PKIB: variants seen among roughly 807,000 people sequenced by gnomAD.
PKIB encodes PKI-beta.
PKIB carries 2 observed loss-of-function variants against 4.5 expected under a neutral mutation model. The observed-to-expected ratio is 0.44, with a 90% CI of 0.18 to 1.39. The LOEUF (loss-of-function observed/expected upper bound fraction) is 1.39. Among genes scored for constraint, PKIB ranks in the 40% most tolerant of loss-of-function variants. The probability of loss-of-function intolerance (pLI) is 0.27; values close to 1 mark genes in which losing one functional copy is unlikely to be tolerated. For missense variants in PKIB, 94 were observed against 92.6 expected (o/e 1.02, Z -0.06); for synonymous variants, 38 against 36.0 (o/e 1.06, Z -0.20).
intron 3 of PKIB, among the ~76,000 whole-genome samples, chr6:122,689,690 G>A (rs1778244162): frequency 6.6e-6 from 1 of 152,142 alleles, no homozygotes; most frequent in Admixed American, 6.5e-5. Flanking sequence ...CTATTCTTGA[G>A]AATGTGCAGT....
At chr6:122,593,882 C>T (rs745630374) in intron 3 of PKIB, among the ~76,000 whole-genome samples, 80 of 152,278 alleles carry the variant, frequency 5.3e-4, no homozygotes, top group Non-Finnish European at 7.3e-4. Context: ...ATGTTAGTCT[C>T]TTTTGGCAAC....
chr6:122,694,957 A>C (rs1213887786), intron 3 of PKIB, among the ~76,000 whole-genome samples: 1 of 152,196 alleles, frequency 6.6e-6, no homozygotes, highest in African/African-American at 2.4e-5. Flanking sequence ...GTCAGCTGTC[A>C]ATTTCAATTA....
At chr6:122,542,506 A>G (rs1172481771) in intron 2 of PKIB, among the ~76,000 whole-genome samples, 1 of 152,072 alleles carries the variant, frequency 6.6e-6, no homozygotes, top group African/African-American at 2.4e-5. Context: ...CGGTGGCTAT[A>G]GAACTGCGGT....
intron 3 of PKIB, among the ~76,000 whole-genome samples, chr6:122,590,311 T>C (rs1287735673): frequency 6.6e-6 from 1 of 152,224 alleles, no homozygotes. Context: ...GTGTGGAGGT[T>C]AAGATCACAG....
chr6:122,602,653 G>A (rs1444936670), intron 3 of PKIB, among the ~76,000 whole-genome samples: 10 of 152,068 alleles, frequency 6.6e-5, no homozygotes, highest in Admixed American at 2.0e-4. Context: ...GGTGGCACAC[G>A]CTTGTAATCT....
At chr6:122,613,959 C>CAAAAAAAA (rs67112737) in intron 1 of PKIB, among the ~76,000 whole-genome samples, 3 of 77,398 alleles carry the variant, frequency 3.9e-5, no homozygotes, top group African/African-American at 5.8e-5. Context: ...GAGACTCCAT[C>CAAAAAAAA]AAAAAAAAAA....
At chr6:122,517,452 C>A (rs944591777) in intron 2 of PKIB, among the ~76,000 whole-genome samples, 18 of 152,226 alleles carry the variant, frequency 1.2e-4, no homozygotes, top group African/African-American at 4.3e-4. Context: ...TCACCTTTGC[C>A]TTCTAAAAAG....
chr6:122,657,127 A>C (rs1776802614), intron 2 of PKIB, among the ~76,000 whole-genome samples: 1 of 152,234 alleles, frequency 6.6e-6, no homozygotes, highest in African/African-American at 2.4e-5. Context: ...CTGTCATCTC[A>C]CGTAGCTACT....
intron 2 of PKIB, among the ~76,000 whole-genome samples, chr6:122,643,216 A>G (rs900024101): frequency 6.6e-6 from 1 of 152,144 alleles, no homozygotes; most frequent in Non-Finnish European, 1.5e-5. Flanking sequence ...AAAGCTTTCT[A>G]TTTCTTACCC....
At chr6:122,609,728 G>A (rs1774671041), upstream of PKIB, among the ~76,000 whole-genome samples, 1 of 152,196 alleles carries the variant, frequency 6.6e-6, no homozygotes, top group Admixed American at 6.5e-5. Context: ...ATGTAATATG[G>A]CTTTTAAAAA....
intron 3 of PKIB, among the ~76,000 whole-genome samples, chr6:122,715,545 C>T (rs1226341341): frequency 6.6e-6 from 1 of 151,352 alleles, no homozygotes; most frequent in African/African-American, 2.4e-5. Context: ...AACATTCAAA[C>T]TAGAGAAGAA....
At chr6:122,613,917 G>C (rs9320883) in intron 1 of PKIB, among the ~76,000 whole-genome samples, 87,990 of 146,892 alleles carry the variant, frequency 0.6, 27,842 homozygotes, top group Non-Finnish European at 0.72. Flanking sequence ...GAGCTGAGAT[G>C]GCACCACTGC....
intron 2 of PKIB, among the ~76,000 whole-genome samples, chr6:122,561,983 T>G (rs796918083): frequency 5.2e-5 from 7 of 135,542 alleles, no homozygotes; most frequent in African/African-American, 2.1e-4. Flanking sequence ...AGTTTTTTTT[T>G]GTTTGTTTTT....
chr6:122,701,501 G>T lies in PKIB; in HGVS notation c.-8-16286G>T, dbSNP rs201595347. ...GAACCTGACAGCATGTCACACCAGG[G>T]TATAGTTAACAACCATTTTCTTCTT... On this transcript the variant is annotated intron_variant, in intron 3 of 4. Coordinates refer to ENST00000368452, the MANE Select transcript of PKIB (RefSeq NM_181795.3). 49 of 1,596,564 alleles carry T rather than the reference G, an allele frequency of 3.1e-5. No homozygotes were observed. The African/African-American group carries it at 3.5e-4, about 11-fold the overall frequency.
At chr6:122,694,723 A>C (rs899558684) in intron 3 of PKIB, among the ~76,000 whole-genome samples, 1 of 152,222 alleles carries the variant, frequency 6.6e-6, no homozygotes, top group African/African-American at 2.4e-5. Flanking sequence ...CTCATAAAAA[A>C]ATTCGAAGGA....
chr6:122,489,249 GTTA>G (rs1775870418), intron 2 of PKIB, among the ~76,000 whole-genome samples: 1 of 110,452 alleles, frequency 9.1e-6, no homozygotes, highest in Admixed American at 9.5e-5. Flanking sequence ...TATTATTATT[GTTA>G]TTATTATTAT....
At chr6:122,720,763 G>A (rs191234601) in intron 4 of PKIB, among the ~76,000 whole-genome samples, 20 of 151,736 alleles carry the variant, frequency 1.3e-4, no homozygotes, top group Non-Finnish European at 2.8e-4. Flanking sequence ...GTGCAATGGC[G>A]TCATCTTGGT....
intron 2 of PKIB, among the ~76,000 whole-genome samples, chr6:122,514,082 G>A (rs1358310074): frequency 6.6e-6 from 1 of 152,176 alleles, no homozygotes; most frequent in African/African-American, 2.4e-5. Context: ...TGTGCAAGGT[G>A]AGAGACTGGA....
chr6:122,645,599 C>T (rs1482166430), intron 2 of PKIB, among the ~76,000 whole-genome samples: 3 of 152,144 alleles, frequency 2.0e-5, no homozygotes, highest in South Asian at 2.1e-4. Context: ...ATTGTGGGTC[C>T]CAAGGATTGG....
Sources: gnomAD v4.1 joint callset for allele counts (sites outside exome capture counted in the v4.1 genomes callset) on GRCh38, gnomAD v4.1.1 for gene constraint, MANE v1.5 for transcripts, NCBI Gene and HGNC (gene_info 2026-07-23, HGNC 2026-07-21) for gene names.